Variants in ZFYVE19 observed in about 807,000 individuals in gnomAD.
ZFYVE19 encodes the protein abscission/NoCut checkpoint regulator.
Under a neutral mutation model 62.8 loss-of-function variants are expected in ZFYVE19, and 49 were observed. The ratio of observed to expected loss-of-function variants is 0.78; its 90% CI spans 0.62 to 0.99. The LOEUF (loss-of-function observed/expected upper bound fraction) is 0.99, where lower values mean the gene tolerates loss of function less well. Among genes scored for constraint, ZFYVE19 ranks in the 50% least tolerant of loss-of-function variants. The pLI is 0.00. For missense variants in ZFYVE19, 630 were observed against 601.9 expected (o/e 1.05, Z -0.49); for synonymous variants, 242 against 234.3 (o/e 1.03, Z -0.30).
intron 1 of ZFYVE19, 96 bp downstream of exon 1, chr15:40,807,964 C>G: frequency 7.0e-7 from 1 of 1,435,052 alleles, no homozygotes; most frequent in Non-Finnish European, 9.5e-7. Flanking sequence ...CGGCTCCTTT[C>G]CAGCTGTGTG....
Position 40,807,395 on chromosome 15 carries a change from T to C in ZFYVE19, c.-195T>C. ...TCTTTGTCCGCTGCCTTCTCCTCAA[T>C]GCCTAGCAGCGCGTACAGGTCCATC... is the stretch of plus-strand genomic sequence containing the variant. On this transcript the variant is annotated 5_prime_UTR_variant, in exon 1 of 11. The change abolishes an upstream ATG in the 5' untranslated region. Transcript: ENST00000355341. The C allele has an allele frequency of 6.2e-7, 1 of 1,614,254 alleles. No homozygotes were observed. The highest frequency in any genetic ancestry group is 1.3e-5 in the African/African-American group (1 of 75,080).
chr15:40,811,516 AGT>A (rs1400826097), intron 6 of ZFYVE19, among the ~76,000 whole-genome samples: 6 of 152,218 alleles, frequency 3.9e-5, no homozygotes, highest in Non-Finnish European at 8.8e-5. Context: ...CCCGGTCCAA[AGT>A]GTCAAGAGAA....
In ZFYVE19 at chr15:40,807,762, G is replaced by C. The variant is rs771027209; in HGVS notation, c.173G>C (p.Gly58Ala). 6.3e-7 allele frequency: 1 copy of C among 1,586,568 alleles called. No homozygotes were observed. The change falls in exon 1 of 11, where the codon GGA (glycine) becomes GCA (alanine). Residue 58 changes from glycine to alanine, a missense_variant. Gly to Ala is a moderately conservative substitution (Grantham distance 60). Transcript: ENST00000355341. ...TGGGGTGAGGGTCCAAGGGGCCCAG[G>C]ACTTGGCCGGCGTGATCTCAGCTCT... ...RSWGEGPRGP[G>A]LGRRDLSSAD... is the part of the protein sequence containing the mutation.
At chr15:40,809,356 G>A (rs572555198) in intron 2 of ZFYVE19, 52 bp from the exon 3 acceptor site, 15 of 1,613,364 alleles carry the variant, frequency 9.3e-6, no homozygotes, top group African/African-American at 4.0e-5. Context: ...GGAGTGGGGG[G>A]CACTGCCTGG....
Position 40,807,736 on chromosome 15 carries a change from C to T in ZFYVE19, c.147C>T (p.Ser49=). 2.5e-6 allele frequency: 4 copies of T among 1,595,794 alleles called. No homozygotes were observed. The highest frequency in any genetic ancestry group is 2.2e-5 in the East Asian group (1 of 44,714). Residue 49 remains serine, a synonymous_variant, in exon 1 of 11, where the codon AGC becomes AGT. Coordinates refer to ENST00000355341, the MANE Select transcript of ZFYVE19 (RefSeq NM_001077268.2). ...GGAGQGREGR[S]WGEGPRGPGL... ...CAGGGCAGGGAAGGGAAGGGCGGAG[C>T]TGGGGTGAGGGTCCAAGGGGCCCAG... is the stretch of plus-strand genomic sequence containing the variant.
rs1013664687 is a variant in ZFYVE19 at position 40,809,963 on chromosome 15, C to G, written c.564C>G (p.Asn188Lys). Residue 188 changes from asparagine (N) to lysine (K), a missense_variant, in exon 4 of 11, where the codon AAC becomes AAG. Asn to Lys is a moderately conservative substitution (Grantham distance 94). Coordinates refer to ENST00000355341, the MANE Select transcript of ZFYVE19 (RefSeq NM_001077268.2). Reference protein sequence around the residue: ...AERLARLRQENKPKLVPSQAE... With the variant: ...AERLARLRQEKKPKLVPSQAE... Reference sequence around the variant, plus strand: ...GCCTAGCACGACTCCGCCAGGAGAACAAGCCCAGTGAGCAGGGGCAGATGG... The same window carrying G: ...GCCTAGCACGACTCCGCCAGGAGAAGAAGCCCAGTGAGCAGGGGCAGATGG... 5 of 1,614,104 alleles carry G rather than the reference C, an allele frequency of 3.1e-6. No individual in the cohort carries two copies. Among genetic ancestry groups the G allele is most frequent in the Non-Finnish European group, 4.2e-6 (5 of 1,180,034 alleles).
At chr15:40,808,013 TA>T (rs1438524791) in intron 1 of ZFYVE19, 145 bp downstream of exon 1, 1 of 1,154,112 alleles carries the variant, frequency 8.7e-7, no homozygotes, top group Non-Finnish European at 1.3e-6. Context: ...TCCATTTCTG[TA>T]AAATGGGGCT....
intron 1 of ZFYVE19, 70 bp downstream of exon 1, chr15:40,807,938 C>G (rs1890321619): frequency 6.5e-7 from 1 of 1,533,886 alleles, no homozygotes; most frequent in Non-Finnish European, 8.8e-7. Context: ...ACTTAACGTC[C>G]AAAGACTTGG....
rs1890433500 is a variant in ZFYVE19, at chr15:40,810,111, T to A, written c.612T>A (p.Ala204=). 10 of 1,614,148 alleles carry A rather than the reference T, an allele frequency of 6.2e-6. No individual in the cohort carries two copies. The African/African-American group carries it at 9.3e-5, about 15-fold the overall frequency. Residue 204 remains alanine (A), a synonymous_variant, in exon 5 of 11, where the codon GCT becomes GCA. Coordinates refer to ENST00000355341, the MANE Select transcript of ZFYVE19 (RefSeq NM_001077268.2). ...AGGCAGAGATAGAGGCACGGCTGGC[T>A]GCCCTAAAGGATGAACGTCAGGGTT... is the stretch of plus-strand genomic sequence containing the variant. The part of the protein sequence containing the change: ...PSQAEIEARL[A]ALKDERQGSI...
intron 7 of ZFYVE19, 73 bp downstream of exon 7, chr15:40,812,975 T>C: frequency 6.5e-7 from 1 of 1,532,338 alleles, no homozygotes; most frequent in Non-Finnish European, 8.9e-7. Flanking sequence ...AGTCAGGTGC[T>C]GGGGGTATTT....
rs1252444511 is a variant in ZFYVE19 at position 40,809,888 on chromosome 15, C to T, written c.489C>T (p.Ser163=). The change falls in exon 4 of 11, where the codon AGC becomes AGT. Residue 163 remains serine (S), a synonymous_variant. Transcript: ENST00000355341. ...CCTTGGAAGCCAAGCAAAAGCCCAG[C>T]ACTTCCCAGAGCCAGGGACTGACAC... ...VAALEAKQKP[S]TSQSQGLTRQ... 5 of 1,614,222 alleles carry T rather than the reference C, an allele frequency of 3.1e-6. No homozygotes were observed. The highest frequency in any genetic ancestry group is 1.7e-5 in the Admixed American group (1 of 60,026).
chr15:40,808,968 A>G, intron 1 of ZFYVE19, 151 bp from the exon 2 acceptor site: 1 of 950,230 alleles, frequency 1.1e-6, no homozygotes, highest in Non-Finnish European at 1.6e-6. Flanking sequence ...TTTACTCACC[A>G]TCCCTAGGCC....
intron 5 of ZFYVE19, 68 bp from the exon 6 acceptor site, chr15:40,810,581 A>G (rs978655203): frequency 3.4e-5 from 52 of 1,541,440 alleles, no homozygotes; most frequent in Non-Finnish European, 4.6e-5. Context: ...ACTACTTAGC[A>G]TCCATCCCTG....
At chr15:40,809,001 T>G (rs901847208) in intron 1 of ZFYVE19, 118 bp from the exon 2 acceptor site, 10 of 1,491,656 alleles carry the variant, frequency 6.7e-6, no homozygotes, top group Non-Finnish European at 9.1e-6. Flanking sequence ...CTCCTCTTCT[T>G]CCTCCCAGCA....
chr15:40,812,893 C>A lies in ZFYVE19; in HGVS notation c.1021C>A (p.Pro341Thr), dbSNP rs777695254. The A allele has an allele frequency of 2.5e-6, 4 of 1,610,882 alleles. No individual in the cohort carries two copies. In the East Asian group the frequency reaches 8.9e-5, roughly 36 times the overall value. ...ACTAGCCATGCTGCGGGGACAGGACCCCGAGAGAGGTGAAGGCTGGGGAGC... is the reference window on the plus strand; with the variant it reads ...ACTAGCCATGCTGCGGGGACAGGACACCGAGAGAGGTGAAGGCTGGGGAGC... ...KRLAMLRGQD[P>T]ERVTLQDYRL... The change falls in exon 7 of 11, where the codon CCC becomes ACC. Residue 341 changes from proline (P) to threonine (T), a missense_variant. Coordinates refer to ENST00000355341, the MANE Select transcript of ZFYVE19 (RefSeq NM_001077268.2).
chr15:40,810,091 G>C lies in ZFYVE19; in HGVS notation c.592G>C (p.Glu198Gln), dbSNP rs756332512. Residue 198 changes from glutamate (E) to glutamine (Q), a missense_variant, in exon 5 of 11, where the codon GAG becomes CAG. Coordinates refer to ENST00000355341, the MANE Select transcript of ZFYVE19 (RefSeq NM_001077268.2). ...NKPKLVPSQA[E>Q]IEARLAALKD... Reference sequence around the variant, plus strand: ...TGCAGAGTTAGTCCCCTCACAGGCAGAGATAGAGGCACGGCTGGCTGCCCT... The same window carrying C: ...TGCAGAGTTAGTCCCCTCACAGGCACAGATAGAGGCACGGCTGGCTGCCCT... 6.2e-7 allele frequency: 1 copy of C among 1,614,200 alleles called. No individual in the cohort carries two copies. The highest frequency in any genetic ancestry group is 8.5e-7 in the Non-Finnish European group (1 of 1,180,042).
chr15:40,807,112 G>C lies in ZFYVE19; in HGVS notation c.-478G>C. On this transcript the variant is annotated 5_prime_UTR_variant, in exon 1 of 11. Coordinates refer to ENST00000355341, the MANE Select transcript of ZFYVE19 (RefSeq NM_001077268.2). Reference sequence around the variant, plus strand: ...GCGTTCCTTGCTGCCTCGCCCCGCGGCCTCTAGGAGACAGGGGCCACGGGG... The same window carrying C: ...GCGTTCCTTGCTGCCTCGCCCCGCGCCCTCTAGGAGACAGGGGCCACGGGG... The C allele has an allele frequency of 2.4e-6, 2 of 827,114 alleles. No individual in the cohort carries two copies. Among genetic ancestry groups the C allele is most frequent in the Non-Finnish European group, 3.7e-6 (2 of 546,480 alleles). 51.2% of individuals were successfully genotyped at this position (827,114 alleles called of 1,614,324 possible).
rs372461766 is a variant in ZFYVE19 at position 40,810,729 on chromosome 15, C to T, written c.798C>T (p.Ile266=). Residue 266 remains isoleucine, a synonymous_variant, in exon 6 of 11, where the codon ATC becomes ATT. Coordinates refer to ENST00000355341, the MANE Select transcript of ZFYVE19 (RefSeq NM_001077268.2). Reference sequence around the variant, plus strand: ...CGCAGCTGGCAGCTGAGGTGGCTATCGATGAAAGCTGGAAAGGAGGAGGCC... The same window carrying T: ...CGCAGCTGGCAGCTGAGGTGGCTATTGATGAAAGCTGGAAAGGAGGAGGCC... ...LLTQLAAEVA[I]DESWKGGGPA... The T allele has an allele frequency of 5.7e-6, 9 of 1,567,426 alleles. No individual in the cohort carries two copies. The highest frequency in any genetic ancestry group is 1.9e-5 in the Admixed American group (1 of 52,710).
intron 1 of ZFYVE19, chr15:40,808,349 G>T (rs1295469197): frequency 1.3e-6 from 2 of 1,597,602 alleles, no homozygotes; most frequent in Admixed American, 1.7e-5. Context: ...CCCTATCACA[G>T]ACCTGCCAGA....
Sources: allele counts gnomAD v4.1 joint callset (sites outside exome capture counted in the v4.1 genomes callset), GRCh38; gene constraint gnomAD v4.1.1; transcripts MANE v1.5; gene names NCBI Gene and HGNC (gene_info 2026-07-23, HGNC 2026-07-21).